Variants in THEMIS observed in about 807,000 individuals in gnomAD.
THEMIS encodes protein THEMIS.
Under a neutral mutation model 52.6 loss-of-function variants are expected in THEMIS, and 37 were observed. That is an observed-to-expected ratio of 0.70 (90% CI 0.54 to 0.93). The LOEUF (loss-of-function observed/expected upper bound fraction) is 0.93, where lower values mean the gene tolerates loss of function less well. Among genes scored for constraint, THEMIS ranks in the 40% least tolerant of loss-of-function variants. The pLI is 0.00. For synonymous variants in THEMIS, 292 were observed against 272.7 expected (o/e 1.07, Z -0.70); for missense variants, 808 against 763.1 (o/e 1.06, Z -0.69).
At chr6:127,864,272 A>T (rs1779902366) in intron 1 of THEMIS, among the ~76,000 whole-genome samples, 1 of 152,056 alleles carries the variant, frequency 6.6e-6, no homozygotes, top group Admixed American at 6.6e-5. Context: ...TTTTAGTACA[A>T]AGAGAAAAAA....
rs1378687972 is a variant in THEMIS at position 127,719,790 on chromosome 6, G to A, written c.1792C>T (p.Pro598Ser). The change falls in exon 5 of 6, where the codon CCA (proline) becomes TCA (serine). Residue 598 changes from proline to serine, a missense_variant. Pro to Ser is a moderately conservative substitution (Grantham distance 74). Coordinates refer to ENST00000368248, the MANE Select transcript of THEMIS (RefSeq NM_001010923.3). Reference sequence around the variant, plus strand: ...TTTGAATCCAGGCCAGCTTGATTTGGGTGAAGTTTCTTGGTTATGTCTACG... The same window carrying A: ...TTTGAATCCAGGCCAGCTTGATTTGAGTGAAGTTTCTTGGTTATGTCTACG... The part of the protein sequence containing the change: ...HHVDITKKLH[P>S]NQAGLDSKVL... 1.9e-6 allele frequency: 3 copies of A among 1,612,116 alleles called. No individual in the cohort carries two copies. In the Admixed American group the frequency reaches 5.0e-5, roughly 27 times the overall value.
At chr6:127,799,783 A>G (rs1482549013) in intron 4 of THEMIS, among the ~76,000 whole-genome samples, 1 of 152,152 alleles carries the variant, frequency 6.6e-6, no homozygotes, top group Non-Finnish European at 1.5e-5. Context: ...ACATTTGTAC[A>G]TTATTTGTAG....
At chr6:127,735,335 G>A (rs951307981) in intron 4 of THEMIS, among the ~76,000 whole-genome samples, 2 of 151,962 alleles carry the variant, frequency 1.3e-5, no homozygotes, top group African/African-American at 4.8e-5. Flanking sequence ...GTGTGTGTGT[G>A]TCTGTGTGTG....
chr6:127,721,724 G>T (rs547528355), intron 4 of THEMIS, among the ~76,000 whole-genome samples: 1 of 152,092 alleles, frequency 6.6e-6, no homozygotes, highest in African/African-American at 2.4e-5. Context: ...TTTTTGGAAA[G>T]AAGCAGATTT....
At chr6:127,903,386 ATAATAGATT>A (rs1781192777), upstream of THEMIS, among the ~76,000 whole-genome samples, 1 of 152,078 alleles carries the variant, frequency 6.6e-6, no homozygotes, top group Non-Finnish European at 1.5e-5. Flanking sequence ...TATAGGTGTA[ATAATAGATT>A]AACGAGAATT....
At chr6:127,889,532 A>T (rs925233206) in intron 1 of THEMIS, among the ~76,000 whole-genome samples, 2 of 152,152 alleles carry the variant, frequency 1.3e-5, no homozygotes, top group East Asian at 3.8e-4. Context: ...TATTCCAAAG[A>T]GTATTACAAG....
At chr6:127,716,582 T>C (rs1049596752) in intron 5 of THEMIS, among the ~76,000 whole-genome samples, 9 of 151,918 alleles carry the variant, frequency 5.9e-5, no homozygotes, top group African/African-American at 2.2e-4. Flanking sequence ...TTGTTGTGAC[T>C]GTATCATGAT....
intron 4 of THEMIS, among the ~76,000 whole-genome samples, chr6:127,796,496 G>A (rs1033755333): frequency 3.9e-5 from 6 of 152,178 alleles, no homozygotes; most frequent in African/African-American, 9.7e-5. Context: ...CAAGGTGATT[G>A]AAAACTAAAG....
intron 4 of THEMIS, among the ~76,000 whole-genome samples, chr6:127,727,009 G>A (rs1562217409): frequency 1.3e-5 from 2 of 152,136 alleles, no homozygotes; most frequent in Admixed American, 1.3e-4. Flanking sequence ...TCTCAAAGAT[G>A]TCAGCCTTGT....
chr6:127,729,281 C>T (rs1440154455), intron 4 of THEMIS, among the ~76,000 whole-genome samples: 1 of 151,530 alleles, frequency 6.6e-6, no homozygotes, highest in Non-Finnish European at 1.5e-5. Flanking sequence ...TTGTTTCTGA[C>T]ATACATTCAT....
Position 127,824,055 on chromosome 6 carries a change from A to C in THEMIS, c.709+5421T>G, listed in dbSNP as rs149020653. Among the ~76,000 whole-genome samples the C allele has an allele frequency of 1.4e-4, 21 of 152,252 alleles. No individual in the cohort carries two copies. In the East Asian group the frequency reaches 4.0e-3, roughly 29 times the overall value. On this transcript the variant is annotated intron_variant, in intron 3 of 5. Coordinates refer to ENST00000368248, the MANE Select transcript of THEMIS (RefSeq NM_001010923.3). ...AATTTGGAGACATAAGACCCCTGGA[A>C]AGCAAGGTGAAGCCAGGAGGCTAAA...
intron 2 of THEMIS, among the ~76,000 whole-genome samples, chr6:127,836,460 C>A (rs550523446): frequency 6.6e-6 from 1 of 152,084 alleles, no homozygotes; most frequent in Non-Finnish European, 1.5e-5. Context: ...TTTTATCATG[C>A]AGTGTTCAAA....
chr6:127,763,323 C>A (rs1294522242), intron 4 of THEMIS, among the ~76,000 whole-genome samples: 2 of 151,956 alleles, frequency 1.3e-5, no homozygotes, highest in Admixed American at 1.3e-4. Flanking sequence ...TGTGCATTAT[C>A]TCATTGAATC....
chr6:127,865,679 C>G (rs1305694409), intron 1 of THEMIS, among the ~76,000 whole-genome samples: 1 of 151,938 alleles, frequency 6.6e-6, no homozygotes, highest in African/African-American at 2.4e-5. Flanking sequence ...TGATTTTTTC[C>G]AGTAGATATG....
intron 4 of THEMIS, among the ~76,000 whole-genome samples, chr6:127,780,297 A>C (rs2114477873): frequency 6.6e-6 from 1 of 152,278 alleles, no homozygotes; most frequent in South Asian, 2.1e-4. Context: ...GTGTCTCTGC[A>C]CAGGAGATGG....
upstream of THEMIS, among the ~76,000 whole-genome samples, chr6:127,902,335 A>AAT (rs1554248884): frequency 6.7e-6 from 1 of 150,074 alleles, no homozygotes. Context: ...AAAAAAAAAA[A>AAT]AAAAAAAAAA....
rs575455237 is a variant in THEMIS at position 127,833,287 on chromosome 6, T to A, written c.251-3353A>T. Among the ~76,000 whole-genome samples the A allele has an allele frequency of 3.9e-5, 6 of 152,358 alleles. No individual in the cohort carries two copies. In the South Asian group the frequency reaches 1.2e-3, roughly 32 times the overall value. Reference sequence around the variant, plus strand: ...TGAGTTTATATTTTTAACCCATTCTTAATGATTTGCAGTTGTTATTAACAG... The same window carrying A: ...TGAGTTTATATTTTTAACCCATTCTAAATGATTTGCAGTTGTTATTAACAG... On this transcript the variant is annotated intron_variant, in intron 2 of 5. Coordinates refer to ENST00000368248, the MANE Select transcript of THEMIS (RefSeq NM_001010923.3).
intron 4 of THEMIS, among the ~76,000 whole-genome samples, chr6:127,768,479 C>T (rs928807636): frequency 3.3e-5 from 5 of 152,070 alleles, no homozygotes; most frequent in African/African-American, 7.2e-5. Flanking sequence ...AACAGTACTT[C>T]GCAACAAAAA....
intron 2 of THEMIS, among the ~76,000 whole-genome samples, chr6:127,844,142 T>G (rs773638960): frequency 2.0e-5 from 3 of 152,006 alleles, no homozygotes; most frequent in Non-Finnish European, 4.4e-5. Flanking sequence ...CATATTATAT[T>G]TTTATTGGAC....
Sources: allele counts gnomAD v4.1 joint callset (sites outside exome capture counted in the v4.1 genomes callset), GRCh38; gene constraint gnomAD v4.1.1; transcripts MANE v1.5; gene names NCBI Gene and HGNC (gene_info 2026-07-23, HGNC 2026-07-21).